Variants in SLC4A4 observed in about 807,000 individuals in gnomAD.
SLC4A4 encodes the protein solute carrier family 4 member 4.
Under a neutral mutation model 111.5 loss-of-function variants are expected in SLC4A4, and 27 were observed. That is an observed-to-expected ratio of 0.24 (90% CI 0.18 to 0.33). SLC4A4 has a LOEUF of 0.33. Among genes scored for constraint, SLC4A4 ranks in the 10% least tolerant of loss-of-function variants. The probability of loss-of-function intolerance (pLI) is 1.00; values close to 1 mark genes in which losing one functional copy is unlikely to be tolerated. For synonymous variants in SLC4A4, 443 were observed against 463.4 expected (o/e 0.96, Z 0.57); for missense variants, 909 against 1,315.5 (o/e 0.69, Z 4.78).
intron 1 of SLC4A4, among the ~76,000 whole-genome samples, chr4:71,218,472 C>T (rs1178926750): frequency 6.6e-6 from 1 of 152,114 alleles, no homozygotes; most frequent in Non-Finnish European, 1.5e-5. Context: ...TTGTTTGAAA[C>T]TCAAAATGTA....
rs542727360 is a variant in SLC4A4 at position 71,471,580 on chromosome 4, C to T, written c.1632-1119C>T. ...AAGGTTCTAGAGTGTCAAGCATGCA[C>T]AATCCTTGACTTATTTCTTATTCTC... On this transcript the variant is annotated intron_variant, in intron 13 of 25. Transcript: ENST00000264485. 6.6e-5 allele frequency among the ~76,000 whole-genome samples: 10 copies of T among 152,050 alleles called. No homozygotes were observed. In the South Asian group the frequency reaches 1.7e-3, roughly 25 times the overall value.
intron 4 of SLC4A4, among the ~76,000 whole-genome samples, chr4:71,349,327 A>G (rs958681445): frequency 6.6e-6 from 1 of 152,188 alleles, no homozygotes; most frequent in Non-Finnish European, 1.5e-5. Flanking sequence ...AGAGGGGAAT[A>G]TGCATCAGCT....
intron 1 of SLC4A4, among the ~76,000 whole-genome samples, chr4:71,214,530 C>T (rs951336107): frequency 4.6e-5 from 7 of 152,222 alleles, no homozygotes; most frequent in South Asian, 4.1e-4. Flanking sequence ...CCCTATCCTA[C>T]GTACATAAAA....
At chr4:71,563,743 G>T (rs767472946) in intron 23 of SLC4A4, 50 bp from the exon 24 acceptor site, 3 of 1,096,176 alleles carry the variant, frequency 2.7e-6, no homozygotes, top group Non-Finnish European at 4.2e-6. Context: ...GAGATAGGAA[G>T]GGCTGTATAA....
intron 3 of SLC4A4, among the ~76,000 whole-genome samples, chr4:71,270,214 A>T (rs976789329): frequency 6.6e-6 from 1 of 152,032 alleles, no homozygotes; most frequent in Non-Finnish European, 1.5e-5. Context: ...CAGCCTCCCG[A>T]GTAACTGGGA....
chr4:71,353,386 A>G (rs1162338080), intron 5 of SLC4A4, among the ~76,000 whole-genome samples: 1 of 152,232 alleles, frequency 6.6e-6, no homozygotes, highest in Non-Finnish European at 1.5e-5. Context: ...GACAAATAAC[A>G]CATCATAAGT....
chr4:71,117,799 T>C (rs1364635520), intron 2 of SLC4A4, among the ~76,000 whole-genome samples: 2 of 152,214 alleles, frequency 1.3e-5, no homozygotes, highest in East Asian at 3.8e-4. Context: ...TCAAGGTATT[T>C]TATAATTTCC....
chr4:71,399,416 A>G (rs1369547550), intron 7 of SLC4A4, among the ~76,000 whole-genome samples: 1 of 150,608 alleles, frequency 6.6e-6, no homozygotes, highest in Admixed American at 6.6e-5. Flanking sequence ...TGTACATTCC[A>G]TTCCATTCTC....
chr4:71,368,492 C>T (rs761063709), intron 6 of SLC4A4, among the ~76,000 whole-genome samples: 7 of 152,150 alleles, frequency 4.6e-5, no homozygotes, highest in Admixed American at 1.3e-4. Flanking sequence ...GCTCTATATT[C>T]ATCAAGGAAA....
At chr4:71,381,489 G>A (rs1718138676) in intron 6 of SLC4A4, among the ~76,000 whole-genome samples, 1 of 152,162 alleles carries the variant, frequency 6.6e-6, no homozygotes, top group Admixed American at 6.6e-5. Flanking sequence ...CAGTAACAGT[G>A]ATTATCGTAA....
At chr4:71,170,730 A>G (rs1744911105) in intron 2 of SLC4A4, among the ~76,000 whole-genome samples, 1 of 152,308 alleles carries the variant, frequency 6.6e-6, no homozygotes, top group Admixed American at 6.5e-5. Flanking sequence ...AGAAACATAT[A>G]CCAAAAGCCT....
chr4:71,391,313 T>G (rs1719236365), intron 6 of SLC4A4, among the ~76,000 whole-genome samples: 1 of 152,086 alleles, frequency 6.6e-6, no homozygotes, highest in South Asian at 2.1e-4. Context: ...TTGTTTTAGC[T>G]TGTCCATGGG....
At chr4:71,567,318 G>A (rs1737574434) in intron 25 of SLC4A4, among the ~76,000 whole-genome samples, 1 of 151,668 alleles carries the variant, frequency 6.6e-6, no homozygotes, top group Admixed American at 6.6e-5. Context: ...TTACAACCCA[G>A]GATCAACATT....
intron 15 of SLC4A4, 144 bp downstream of exon 15, chr4:71,487,162 G>A (rs1249279594): frequency 9.7e-6 from 5 of 513,700 alleles, no homozygotes; most frequent in African/African-American, 4.0e-5. Context: ...GTGGAGGGAC[G>A]GGAAAAAAAA....
intron 20 of SLC4A4, among the ~76,000 whole-genome samples, chr4:71,553,293 G>C (rs1477683670): frequency 2.6e-5 from 4 of 151,650 alleles, no homozygotes; most frequent in Non-Finnish European, 1.5e-5. Context: ...ATTTTATTTT[G>C]TGGTAGATTT....
intron 1 of SLC4A4, among the ~76,000 whole-genome samples, chr4:71,218,443 CTTTATA>C (rs1237163768): frequency 3.3e-5 from 5 of 152,104 alleles, no homozygotes; most frequent in Admixed American, 3.3e-4. Context: ...AATGCCATCA[CTTTATA>C]TTTATTATTT....
At chr4:71,143,029 T>C (rs1208235852) in intron 2 of SLC4A4, among the ~76,000 whole-genome samples, 1 of 152,070 alleles carries the variant, frequency 6.6e-6, no homozygotes, top group Non-Finnish European at 1.5e-5. Flanking sequence ...ACATGTGCCA[T>C]GTTGGTGTGC....
chr4:71,281,875 G>A (rs989415493), intron 3 of SLC4A4, among the ~76,000 whole-genome samples: 4 of 151,386 alleles, frequency 2.6e-5, no homozygotes, highest in Admixed American at 1.3e-4. Context: ...TGAACAATAC[G>A]TAGCACTGGT....
At chr4:71,186,841 T>A (rs1253403106), upstream of SLC4A4, 1 of 152,098 alleles carries the variant, frequency 6.6e-6, no homozygotes, top group Non-Finnish European at 1.5e-5. Flanking sequence ...TGGGCTGGGC[T>A]CCACTGCTGC....
Sources: gnomAD v4.1 joint callset for allele counts (sites outside exome capture counted in the v4.1 genomes callset) on GRCh38, gnomAD v4.1.1 for gene constraint, MANE v1.5 for transcripts, NCBI Gene and HGNC (gene_info 2026-07-23, HGNC 2026-07-21) for gene names.